The following LTBP1 variants were observed in gnomAD, a reference collection of about 807,000 sequenced individuals.
LTBP1 encodes the protein latent-transforming growth factor beta-binding protein 1.
In LTBP1, 129 loss-of-function variants were observed where a neutral mutation model predicts 207.6. The observed-to-expected ratio is 0.62, with a 90% CI of 0.54 to 0.72. The LOEUF (loss-of-function observed/expected upper bound fraction) is 0.72, where lower values mean the gene tolerates loss of function less well. Ranked by LOEUF, LTBP1 falls within the 30% of genes least tolerant of loss-of-function variation. The pLI, the probability that LTBP1 is intolerant of heterozygous loss-of-function variation, is 0.00. For missense variants in LTBP1, 2,281 were observed against 2,217.2 expected, an observed-to-expected ratio of 1.03 and a Z score of -0.58; for synonymous variants, 963 against 833.7, an observed-to-expected ratio of 1.16 and a Z score of -2.67.
chr2:33,080,065 C>T (rs779599172), intron 3 of LTBP1, among the ~76,000 whole-genome samples: 14 of 152,136 alleles, frequency 9.2e-5, no homozygotes, highest in Non-Finnish European at 1.5e-4. Flanking sequence ...CCCCCTCTGT[C>T]ACCCAGGCTG....
At chr2:33,162,412 G>A (rs1261462526) in intron 5 of LTBP1, among the ~76,000 whole-genome samples, 1 of 152,142 alleles carries the variant, frequency 6.6e-6, no homozygotes, top group African/African-American at 2.4e-5. Flanking sequence ...CAATCTCTGG[G>A]CATGGGGTAT....
At chr2:33,369,828 A>G (rs1252630316) in intron 31 of LTBP1, among the ~76,000 whole-genome samples, 1 of 152,214 alleles carries the variant, frequency 6.6e-6, no homozygotes, top group African/African-American at 2.4e-5. Flanking sequence ...GTGAAATTAA[A>G]CTTTTCCACA....
chr2:33,020,266 C>T (rs983009984), intron 2 of LTBP1, among the ~76,000 whole-genome samples: 5 of 151,990 alleles, frequency 3.3e-5, no homozygotes, highest in African/African-American at 4.8e-5. Flanking sequence ...CACAGTCTCT[C>T]GAAGATCTGA....
chr2:33,102,227 G>C (rs778640205), intron 3 of LTBP1, among the ~76,000 whole-genome samples: 4 of 152,104 alleles, frequency 2.6e-5, no homozygotes, highest in Non-Finnish European at 4.4e-5. Flanking sequence ...TAGAGCGCTA[G>C]TTTTCAACCA....
chr2:33,274,839 T>G, intron 16 of LTBP1, 126 bp from the exon 17 acceptor site: 1 of 833,752 alleles, frequency 1.2e-6, no homozygotes, highest in Non-Finnish European at 1.9e-6. Flanking sequence ...TGTCTCCTTT[T>G]GCTGTTGTCC....
chr2:33,364,357 G>A lies in LTBP1; in HGVS notation c.4540+1G>A, dbSNP rs1358141542. 4.3e-6 allele frequency: 7 copies of A among 1,611,954 alleles called. No homozygotes were observed. The highest frequency in any genetic ancestry group is 3.3e-5 in the South Asian group (3 of 90,380). On this transcript the variant is annotated splice_donor_variant, in intron 30 of 33. Transcript: ENST00000404816. LOFTEE classifies it high-confidence loss of function. ...TGTATACGACCGGCTGAGTCAAACG[G>A]TATGTTTCCAGGAGATGCAAACCTG...
chr2:33,115,391 T>G (rs1204271076), intron 4 of LTBP1, among the ~76,000 whole-genome samples: 1 of 152,144 alleles, frequency 6.6e-6, no homozygotes, highest in Non-Finnish European at 1.5e-5. Context: ...AGGTTTCTTT[T>G]GGGGTGATGA....
chr2:33,038,932 T>G (rs1341294240), intron 3 of LTBP1, among the ~76,000 whole-genome samples: 1 of 152,232 alleles, frequency 6.6e-6, no homozygotes, highest in Non-Finnish European at 1.5e-5. Flanking sequence ...TGCCTCTGGG[T>G]GCCTGCCTCT....
At chr2:33,199,471 A>G in intron 7 of LTBP1, among the ~76,000 whole-genome samples, 1 of 152,192 alleles carries the variant, frequency 6.6e-6, no homozygotes, top group East Asian at 1.9e-4. Flanking sequence ...GATGGGATGT[A>G]TCTCAAAATA....
At chr2:32,961,585 G>T (rs1679121944) in intron 2 of LTBP1, among the ~76,000 whole-genome samples, 1 of 152,066 alleles carries the variant, frequency 6.6e-6, no homozygotes, top group Non-Finnish European at 1.5e-5. Context: ...TTTACACGTT[G>T]AATTAGTCAT....
rs751624488 is a variant in LTBP1, at chr2:33,365,378, A to G, written c.4586A>G (p.His1529Arg). ...GTCTACCAAGATTTGTGCTGGGAAC[A>G]TCTGAGTGATGAATACGTGTGTAGC... ...TDVYQDLCWEHLSDEYVCSRP... is the reference protein window; with the variant it reads ...TDVYQDLCWERLSDEYVCSRP... The change falls in exon 31 of 34, where the codon CAT (histidine) becomes CGT (arginine). Residue 1529 changes from histidine (H) to arginine (R), a missense_variant. His to Arg is a conservative substitution (Grantham distance 29). Transcript: ENST00000404816. 1.7e-5 allele frequency: 28 copies of G among 1,614,206 alleles called. No homozygotes were observed. The highest frequency in any genetic ancestry group is 2.4e-5 in the Non-Finnish European group (28 of 1,180,036).
At chr2:33,181,360 G>A (rs1269675609) in intron 5 of LTBP1, among the ~76,000 whole-genome samples, 2 of 152,180 alleles carry the variant, frequency 1.3e-5, no homozygotes, top group African/African-American at 4.8e-5. Context: ...ATATTATTCT[G>A]TCAGCCCAAT....
chr2:33,256,209 G>A (rs1326126624), intron 11 of LTBP1, among the ~76,000 whole-genome samples: 1 of 151,910 alleles, frequency 6.6e-6, no homozygotes, highest in Admixed American at 6.6e-5. Flanking sequence ...TTGCCCAGTT[G>A]TTGTTCCTTT....
intron 8 of LTBP1, among the ~76,000 whole-genome samples, chr2:33,219,446 C>G (rs576097883): frequency 1.3e-5 from 2 of 152,278 alleles, no homozygotes; most frequent in East Asian, 1.9e-4. Context: ...TTAGGTAGCC[C>G]TGAGTTCGAC....
At chr2:33,287,438 A>G (rs1411183510) in intron 19 of LTBP1, among the ~76,000 whole-genome samples, 2 of 152,224 alleles carry the variant, frequency 1.3e-5, no homozygotes, top group African/African-American at 2.4e-5. Context: ...TAATGAAGAC[A>G]ATAAGGAAAA....
chr2:33,382,414 TTATC>T (rs2150416318), intron 31 of LTBP1, among the ~76,000 whole-genome samples: 1 of 152,166 alleles, frequency 6.6e-6, no homozygotes, highest in South Asian at 2.1e-4. Flanking sequence ...TAATGCTTTC[TTATC>T]TATTATACAT....
In LTBP1 at chr2:33,222,128, G is replaced by T. The variant is rs267599358; in HGVS notation, c.1853G>T (p.Arg618Leu). ...QMMECLPGYKRVNNTFCQDIN... is the reference protein window; with the variant it reads ...QMMECLPGYKLVNNTFCQDIN... ...ATGGAATGCCTACCGGGTTATAAGC[G>T]GGTTAACAACACCTTTTGCCAAGGT... Residue 618 changes from arginine to leucine, a missense_variant, in exon 9 of 34, where the codon CGG becomes CTG. Around this residue, in one of 3 missense-constraint regions of LTBP1, gnomAD observed 1,671 missense variants for 1,634.8 expected, o/e 1.02. Coordinates refer to ENST00000404816, the MANE Select transcript of LTBP1 (RefSeq NM_206943.4). 1 of 1,612,202 alleles carries T rather than the reference G, an allele frequency of 6.2e-7. No individual in the cohort carries two copies. Among genetic ancestry groups the T allele is most frequent in the Admixed American group, 1.7e-5 (1 of 59,998 alleles).
chr2:33,168,043 G>A (rs1031427551), intron 5 of LTBP1, among the ~76,000 whole-genome samples: 1 of 152,126 alleles, frequency 6.6e-6, no homozygotes, highest in Non-Finnish European at 1.5e-5. Flanking sequence ...CCACCATCTA[G>A]CCCCTGTTAG....
intron 19 of LTBP1, among the ~76,000 whole-genome samples, chr2:33,285,411 C>G (rs905636448): frequency 1.4e-4 from 21 of 150,010 alleles, no homozygotes; most frequent in Admixed American, 6.6e-5. Context: ...TTTAATTCTT[C>G]TTATGTCATT....
Sources: allele counts gnomAD v4.1 joint callset (sites outside exome capture counted in the v4.1 genomes callset), GRCh38; gene constraint gnomAD v4.1.1; regional missense constraint gnomAD v4.1.1; transcripts MANE v1.5; gene names NCBI Gene and HGNC (gene_info 2026-07-23, HGNC 2026-07-21).